ZNF385D: variants seen among roughly 807,000 people sequenced by gnomAD.
ZNF385D encodes the protein zinc finger protein 659.
A neutral mutation model predicts 35.8 loss-of-function variants in ZNF385D; 15 were observed. The observed-to-expected ratio is 0.42, with a 90% CI of 0.28 to 0.64. ZNF385D has a LOEUF of 0.64. ZNF385D is among the 30% of genes least tolerant of loss of function. The pLI is 0.23. For synonymous variants in ZNF385D, 212 were observed against 186.8 expected (o/e 1.13, Z -1.10); for missense variants, 474 against 494.6 (o/e 0.96, Z 0.39).
chr3:21,462,010 A>C (rs1027157379), intron 4 of ZNF385D, among the ~76,000 whole-genome samples: 1 of 152,210 alleles, frequency 6.6e-6, no homozygotes, highest in African/African-American at 2.4e-5. Flanking sequence ...GCCTAATAAA[A>C]ATTTTATATG....
At position 22,189,856 on chromosome 3, in the gene ZNF385D, A is replaced by C. The variant is rs186523859; in HGVS notation, c.107-20821T>G. On this transcript the variant is annotated intron_variant, in intron 2 of 5. Coordinates refer to the ZNF385D transcript ENST00000494108. ...CTACATTGCCTTGTGTCCTGTTGAA[A>C]GTGTCCTGTTGTTCATTAAGCACAA... Among the ~76,000 whole-genome samples the C allele has an allele frequency of 2.1e-3, 318 of 152,282 alleles. 1 individual carries two copies. Among genetic ancestry groups the C allele is most frequent in the African/African-American group, 7.3e-3 (303 of 41,556 alleles).
intron 1 of ZNF385D, among the ~76,000 whole-genome samples, chr3:21,710,436 T>C (rs2068058706): frequency 6.6e-6 from 1 of 152,180 alleles, no homozygotes; most frequent in Non-Finnish European, 1.5e-5. Flanking sequence ...AGTTCAACTG[T>C]ATGGCTTTTT....
chr3:21,681,727 TAAAAC>T (rs2066918036), intron 1 of ZNF385D, among the ~76,000 whole-genome samples: 1 of 115,630 alleles, frequency 8.6e-6, no homozygotes, highest in African/African-American at 3.3e-5. Flanking sequence ...AAAAAGGAAA[TAAAAC>T]AATCAACCAA....
At chr3:21,806,353 T>C (rs2072647447) in intron 3 of ZNF385D, among the ~76,000 whole-genome samples, 3 of 152,134 alleles carry the variant, frequency 2.0e-5, no homozygotes, top group African/African-American at 7.2e-5. Context: ...TACAGGCGCC[T>C]GTCACCACGC....
At chr3:21,619,413 CGTGTGTGTGTGT>C (rs10594035) in intron 2 of ZNF385D, among the ~76,000 whole-genome samples, 3 of 147,752 alleles carry the variant, frequency 2.0e-5, no homozygotes, top group Non-Finnish European at 3.0e-5. Flanking sequence ...CGTGTGTGTG[CGTGTGTGTGTGT>C]GTGTGTGTGT....
intron 3 of ZNF385D, among the ~76,000 whole-genome samples, chr3:21,910,210 C>A (rs1209082302): frequency 1.3e-5 from 2 of 151,926 alleles, no homozygotes; most frequent in Non-Finnish European, 2.9e-5. Context: ...GGGCTTCATT[C>A]ACTGTTTAGT....
intron 2 of ZNF385D, among the ~76,000 whole-genome samples, chr3:22,343,448 T>C (rs1217884331): frequency 1.3e-5 from 2 of 152,226 alleles, no homozygotes; most frequent in African/African-American, 4.8e-5. Context: ...ACTGGAGGGA[T>C]ACACAGGAAC....
At chr3:21,834,617 A>G (rs1695208732) in intron 3 of ZNF385D, among the ~76,000 whole-genome samples, 1 of 152,154 alleles carries the variant, frequency 6.6e-6, no homozygotes, top group Non-Finnish European at 1.5e-5. Flanking sequence ...GAAAAGCTTC[A>G]TTTTTTAAAA....
rs1031059013 is a variant in ZNF385D at position 22,140,360 on chromosome 3, C to T, written c.325+28457G>A. On this transcript the variant is annotated intron_variant, in intron 3 of 5. Coordinates refer to the ZNF385D transcript ENST00000494108. The stretch of plus-strand genomic sequence containing the variant: ...ATGCTGTGTGGTTCTATTTATACAA[C>T]ATTTTCAAAATGACAAAATTATAGC... Among the ~76,000 whole-genome samples, 8 of 152,088 alleles carry T rather than the reference C, an allele frequency of 5.3e-5. No homozygotes were observed. In the South Asian group the frequency reaches 1.2e-3, roughly 24 times the overall value.
intron 3 of ZNF385D, among the ~76,000 whole-genome samples, chr3:22,094,395 T>TATATATAAACAATATATATTGTTG (rs1701500418): frequency 4.4e-5 from 6 of 136,304 alleles, no homozygotes; most frequent in East Asian, 2.1e-4. Context: ...GATATATATA[T>TATATATAAACAATATATATTGTTG]ATATATATAT....
At chr3:21,776,033 T>C (rs1430359927) in intron 3 of ZNF385D, among the ~76,000 whole-genome samples, 2 of 151,796 alleles carry the variant, frequency 1.3e-5, no homozygotes, top group African/African-American at 4.8e-5. Context: ...AATTTTATAG[T>C]ATTTCTTTGT....
At chr3:22,294,521 C>T (rs1221910884) in intron 2 of ZNF385D, among the ~76,000 whole-genome samples, 2 of 151,708 alleles carry the variant, frequency 1.3e-5, no homozygotes, top group African/African-American at 4.8e-5. Context: ...TTTTTTATTT[C>T]CTTAAGATGA....
chr3:21,739,615 G>A (rs992909106), intron 1 of ZNF385D, among the ~76,000 whole-genome samples: 1 of 152,124 alleles, frequency 6.6e-6, no homozygotes. Context: ...ATTGATGTTC[G>A]GGGTAGGCAA....
At chr3:21,892,123 G>A (rs1051125086) in intron 3 of ZNF385D, among the ~76,000 whole-genome samples, 2 of 152,162 alleles carry the variant, frequency 1.3e-5, no homozygotes, top group African/African-American at 4.8e-5. Flanking sequence ...GGGATAGGAA[G>A]CATTCTGAAT....
At chr3:21,916,422 T>C (rs905328926) in intron 3 of ZNF385D, among the ~76,000 whole-genome samples, 10 of 152,194 alleles carry the variant, frequency 6.6e-5, no homozygotes, top group African/African-American at 2.4e-4. Context: ...ATATTTTAAC[T>C]TTTACACTTA....
In ZNF385D at chr3:21,644,956, T is replaced by A. The variant is rs758491940; in HGVS notation, c.165+19930A>T. 2.6e-5 allele frequency among the ~76,000 whole-genome samples: 4 copies of A among 152,166 alleles called. No individual in the cohort carries two copies. The East Asian group carries it at 5.8e-4, about 22-fold the overall frequency. Reference sequence around the variant, plus strand: ...GTTAATAGATGACACTCAAAACTGATTGCTTTTCTGATTACACGAAATAAA... The same window carrying A: ...GTTAATAGATGACACTCAAAACTGAATGCTTTTCTGATTACACGAAATAAA... On this transcript the variant is annotated intron_variant, in intron 2 of 7. Coordinates refer to ENST00000281523, the MANE Select transcript of ZNF385D (RefSeq NM_024697.3).
intron 3 of ZNF385D, among the ~76,000 whole-genome samples, chr3:22,123,855 T>G (rs1204159280): frequency 6.7e-6 from 1 of 148,552 alleles, no homozygotes; most frequent in Non-Finnish European, 1.5e-5. Context: ...AGAGCAAAAT[T>G]CTGTCTCAGA....
At chr3:21,753,763 G>A (rs906797541), upstream of ZNF385D, among the ~76,000 whole-genome samples, 3 of 58,388 alleles carry the variant, frequency 5.1e-5, no homozygotes, top group South Asian at 1.0e-3. Flanking sequence ...ATGCAACTTT[G>A]GTGGTTGTTG....
At chr3:21,652,756 A>T (rs2065957736) in intron 2 of ZNF385D, among the ~76,000 whole-genome samples, 1 of 152,086 alleles carries the variant, frequency 6.6e-6, no homozygotes, top group African/African-American at 2.4e-5. Context: ...TAGTCTGCTG[A>T]GAATGATGGT....
Sources: gnomAD v4.1 joint callset for allele counts (sites outside exome capture counted in the v4.1 genomes callset) on GRCh38, gnomAD v4.1.1 for gene constraint, MANE v1.5 for transcripts, NCBI Gene and HGNC (gene_info 2026-07-23, HGNC 2026-07-21) for gene names.